Variants in TBL1X observed in about 807,000 individuals in gnomAD.
TBL1X encodes transducin beta like 1 X-linked, also known as F-box-like/WD repeat-containing protein TBL1X.
In TBL1X, 10 loss-of-function variants were observed where a neutral mutation model predicts 50.7. The observed-to-expected ratio is 0.20, with a 90% CI of 0.12 to 0.33. The LOEUF (loss-of-function observed/expected upper bound fraction) is 0.33. TBL1X is among the 10% of genes least tolerant of loss of function. The pLI, the probability that TBL1X is intolerant of heterozygous loss-of-function variation, is 1.00. For missense variants in TBL1X, 340 were observed against 504.4 expected, an observed-to-expected ratio of 0.67 and a Z score of 3.12; for synonymous variants, 190 against 214.7, an observed-to-expected ratio of 0.88 and a Z score of 1.01.
In TBL1X at chrX:9,565,302, A is replaced by G. The variant is rs573318866; in HGVS notation, c.-131+63453A>G. ...AAAAAAAAAAAAAAAAATCATAATCATACTATATTGCCCACTCAGCAGTGC... is the reference window on the plus strand; with the variant it reads ...AAAAAAAAAAAAAAAAATCATAATCGTACTATATTGCCCACTCAGCAGTGC... On this transcript the variant is annotated intron_variant, in intron 2 of 17. Coordinates refer to ENST00000645353, the MANE Select transcript of TBL1X (RefSeq NM_005647.4). Among the ~76,000 whole-genome samples the G allele has an allele frequency of 1.3e-4, 13 of 102,317 alleles. No homozygotes were observed. The South Asian group carries it at 5.9e-3, about 46-fold the overall frequency. The allele number at this position is 102,317 out of a possible 115,157, so 88.9% of individuals were successfully genotyped here. A position where few individuals can be genotyped will look rare whatever the true frequency, so the allele number is the denominator to read the frequency against.
chrX:9,547,147 C>T (rs997266900), intron 2 of TBL1X, among the ~76,000 whole-genome samples: 4 of 110,555 alleles, frequency 3.6e-5, no homozygotes, highest in Non-Finnish European at 5.7e-5. Flanking sequence ...GTGTGTTATA[C>T]GTTGTTGTCA....
chrX:9,706,052 A>G (rs761474465), intron 13 of TBL1X, among the ~76,000 whole-genome samples: 17 of 110,782 alleles, frequency 1.5e-4, no homozygotes, highest in Non-Finnish European at 2.1e-4. Flanking sequence ...CTTTTAAAGG[A>G]CAAAAACTCA....
rs758712053 is a variant in TBL1X at position 9,661,664 on chromosome X, A to G, written c.211+7342A>G. Among the ~76,000 whole-genome samples, 5 of 111,602 alleles carry G rather than the reference A, an allele frequency of 4.5e-5. No individual in the cohort carries two copies. In the South Asian group the frequency reaches 1.5e-3, roughly 34 times the overall value. Reference sequence around the variant, plus strand: ...ACCTCAGCGGCCTCCTCTTTCCACAACAAACCCAAGCACAGAGATAAAAGG... The same window carrying G: ...ACCTCAGCGGCCTCCTCTTTCCACAGCAAACCCAAGCACAGAGATAAAAGG... On this transcript the variant is annotated intron_variant, in intron 5 of 17. Transcript: ENST00000645353.
chrX:9,498,762 G>A (rs1173250775), intron 1 of TBL1X, among the ~76,000 whole-genome samples: 2 of 112,667 alleles, frequency 1.8e-5, no homozygotes, highest in African/African-American at 6.5e-5. Flanking sequence ...ACATGGAGGA[G>A]GGAGTTTCCC....
chrX:9,660,397 C>T (rs762573303), intron 5 of TBL1X, among the ~76,000 whole-genome samples: 1 of 112,300 alleles, frequency 8.9e-6, no homozygotes, highest in East Asian at 2.8e-4. Context: ...GTGTCCATGA[C>T]GGCAGTAATT....
At chrX:9,689,088 A>G (rs68179077) in intron 7 of TBL1X, among the ~76,000 whole-genome samples, 41,892 of 112,549 alleles carry the variant, frequency 0.37, 5,839 homozygotes, top group South Asian at 0.5. Flanking sequence ...GTGTGTGCAC[A>G]AGTTTGTGTG....
intron 15 of TBL1X, among the ~76,000 whole-genome samples, chrX:9,711,173 C>T (rs2083243944): frequency 9.1e-6 from 1 of 109,988 alleles, no homozygotes; most frequent in Non-Finnish European, 1.9e-5. Flanking sequence ...GAAACCCCGT[C>T]TCTACAAAAA....
chrX:9,472,080 T>C (rs774697510), intron 1 of TBL1X, among the ~76,000 whole-genome samples: 42 of 111,697 alleles, frequency 3.8e-4, no homozygotes, highest in Non-Finnish European at 5.8e-4. Context: ...GAGAAGGGCA[T>C]GTGTCCCCTT....
chrX:9,635,634 A>G (rs943690654), intron 2 of TBL1X, among the ~76,000 whole-genome samples: 4 of 111,798 alleles, frequency 3.6e-5, no homozygotes, highest in African/African-American at 1.3e-4. Flanking sequence ...GTTGTTGGCT[A>G]TGGCTCTTCC....
At chrX:9,622,722 G>A (rs1041852438) in intron 2 of TBL1X, among the ~76,000 whole-genome samples, 1 of 111,751 alleles carries the variant, frequency 8.9e-6, no homozygotes, top group Non-Finnish European at 1.9e-5. Context: ...GGCTGGTCTC[G>A]AACTCCTGGT....
chrX:9,701,826 A>G (rs1046890259), intron 12 of TBL1X, among the ~76,000 whole-genome samples: 3 of 111,511 alleles, frequency 2.7e-5, no homozygotes, highest in African/African-American at 6.5e-5. Flanking sequence ...TGTTTAGCTC[A>G]GGCGATGTTG....
intron 2 of TBL1X, among the ~76,000 whole-genome samples, chrX:9,509,401 G>A (rs1035108255): frequency 2.0e-5 from 2 of 101,050 alleles, no homozygotes; most frequent in African/African-American, 7.3e-5. Context: ...CTAGTACATT[G>A]CCTAAAAGAA....
intron 2 of TBL1X, among the ~76,000 whole-genome samples, chrX:9,526,390 A>T (rs1462981368): frequency 8.9e-6 from 1 of 111,964 alleles, no homozygotes; most frequent in Non-Finnish European, 1.9e-5. Flanking sequence ...TCTGCTCTCA[A>T]GTCCTCTGAG....
At chrX:9,514,606 C>T (rs1039007950) in intron 2 of TBL1X, among the ~76,000 whole-genome samples, 1 of 112,152 alleles carries the variant, frequency 8.9e-6, no homozygotes, top group African/African-American at 3.2e-5. Flanking sequence ...TAATTACACA[C>T]TCACACTGCG....
chrX:9,624,891 A>G (rs1274996510), intron 2 of TBL1X, among the ~76,000 whole-genome samples: 1 of 112,593 alleles, frequency 8.9e-6, no homozygotes, highest in Admixed American at 9.4e-5. Context: ...CTAGAGCTCA[A>G]TCTAGTCTGA....
At chrX:9,581,511 T>G (rs1057105237) in intron 2 of TBL1X, among the ~76,000 whole-genome samples, 3 of 111,544 alleles carry the variant, frequency 2.7e-5, no homozygotes, top group Non-Finnish European at 3.8e-5. Flanking sequence ...ATTGACAATG[T>G]CTGGAGACAT....
intron 5 of TBL1X, among the ~76,000 whole-genome samples, chrX:9,683,504 C>T (rs750583277): frequency 1.8e-5 from 2 of 111,670 alleles, no homozygotes; most frequent in Non-Finnish European, 3.8e-5. Flanking sequence ...CCAGGACGGC[C>T]TCTTCTCCGT....
At chrX:9,512,723 TC>T (rs772484587) in intron 2 of TBL1X, among the ~76,000 whole-genome samples, 34 of 111,374 alleles carry the variant, frequency 3.1e-4, no homozygotes, top group African/African-American at 1.0e-3. Flanking sequence ...GGTCTTGAAC[TC>T]CTGACCTCAG....
At chrX:9,599,982 C>T (rs1477117105) in intron 2 of TBL1X, among the ~76,000 whole-genome samples, 1 of 111,775 alleles carries the variant, frequency 8.9e-6, no homozygotes, top group Non-Finnish European at 1.9e-5. Context: ...CAGCCAGTGA[C>T]TCTCTCCTGT....
Sources: allele counts gnomAD v4.1 joint callset (sites outside exome capture counted in the v4.1 genomes callset), GRCh38; gene constraint gnomAD v4.1.1; transcripts MANE v1.5; gene names NCBI Gene and HGNC (gene_info 2026-07-23, HGNC 2026-07-21).